The following KCND2 variants were observed in gnomAD, a reference collection of about 807,000 sequenced individuals.
KCND2 encodes potassium voltage-gated channel subfamily D member 2.
Under a neutral mutation model 54.4 loss-of-function variants are expected in KCND2, and 16 were observed. The ratio of observed to expected loss-of-function variants is 0.29; its 90% CI spans 0.20 to 0.45. KCND2 has a LOEUF of 0.45. Among genes scored for constraint, KCND2 ranks in the 20% least tolerant of loss-of-function variants. The pLI is 1.00. For missense variants in KCND2, 486 were observed against 824.2 expected, an observed-to-expected ratio of 0.59 and a Z score of 5.02; for synonymous variants, 317 against 310.7, an observed-to-expected ratio of 1.02 and a Z score of -0.21.
intron 1 of KCND2, among the ~76,000 whole-genome samples, chr7:120,403,334 A>G (rs1485319442): frequency 1.4e-5 from 2 of 146,460 alleles, no homozygotes; most frequent in African/African-American, 5.1e-5. Flanking sequence ...TTTTTCTTTT[A>G]TAGACAGAGT....
At chr7:120,300,157 A>G (rs1189780720) in intron 1 of KCND2, among the ~76,000 whole-genome samples, 1 of 152,162 alleles carries the variant, frequency 6.6e-6, no homozygotes, top group Non-Finnish European at 1.5e-5. Flanking sequence ...CTGGTAAGGG[A>G]CACAATTTTT....
chr7:120,340,796 C>T (rs903135445), intron 1 of KCND2, among the ~76,000 whole-genome samples: 1 of 152,064 alleles, frequency 6.6e-6, no homozygotes. Context: ...TAGCAATGGT[C>T]AACACTCTCT....
intron 1 of KCND2, among the ~76,000 whole-genome samples, chr7:120,366,038 T>C (rs1800673339): frequency 6.6e-6 from 1 of 152,068 alleles, no homozygotes; most frequent in Admixed American, 6.6e-5. Context: ...CAATTGTTAA[T>C]TATAGTAGAG....
intron 1 of KCND2, among the ~76,000 whole-genome samples, chr7:120,406,363 A>T (rs1352724444): frequency 6.6e-6 from 1 of 152,038 alleles, no homozygotes; most frequent in Non-Finnish European, 1.5e-5. Context: ...CACTGCATTA[A>T]TATTCAGTGA....
intron 1 of KCND2, among the ~76,000 whole-genome samples, chr7:120,727,012 T>C (rs1420349507): frequency 6.6e-6 from 1 of 152,224 alleles, no homozygotes; most frequent in East Asian, 1.9e-4. Flanking sequence ...TGACTTTTGT[T>C]TTATCTTTTA....
Position 120,703,821 on chromosome 7 carries a change from T to C in KCND2, c.1116-29082T>C, listed in dbSNP as rs539205313. Among the ~76,000 whole-genome samples the C allele has an allele frequency of 7.9e-5, 12 of 152,314 alleles. No individual in the cohort carries two copies. The East Asian group carries it at 2.1e-3, about 27-fold the overall frequency. ...TAACCAACAAGGGCTGTGACATGGCTGGCACAAAGCCAGATGAAAACCAAA... is the reference window on the plus strand; with the variant it reads ...TAACCAACAAGGGCTGTGACATGGCCGGCACAAAGCCAGATGAAAACCAAA... On this transcript the variant is annotated intron_variant, in intron 1 of 5. Coordinates refer to ENST00000331113, the MANE Select transcript of KCND2 (RefSeq NM_012281.3).
At chr7:120,414,087 C>A (rs1801491322) in intron 1 of KCND2, among the ~76,000 whole-genome samples, 1 of 151,810 alleles carries the variant, frequency 6.6e-6, no homozygotes, top group Non-Finnish European at 1.5e-5. Context: ...CAAATAAAAC[C>A]TTCTACTCAT....
At chr7:120,591,933 G>T (rs898386971) in intron 1 of KCND2, among the ~76,000 whole-genome samples, 1 of 152,150 alleles carries the variant, frequency 6.6e-6, no homozygotes, top group African/African-American at 2.4e-5. Flanking sequence ...ATGTGCAAAT[G>T]GTTTTATAGA....
intron 1 of KCND2, among the ~76,000 whole-genome samples, chr7:120,617,358 A>G (rs1793039433): frequency 6.6e-6 from 1 of 152,228 alleles, no homozygotes; most frequent in Non-Finnish European, 1.5e-5. Context: ...TCAAAAGAAG[A>G]CATACACACA....
chr7:120,451,790 C>T (rs1038449430), intron 1 of KCND2, among the ~76,000 whole-genome samples: 5 of 152,178 alleles, frequency 3.3e-5, no homozygotes, highest in East Asian at 1.9e-4. Context: ...TGTTGTAACT[C>T]GTGTGTTCTC....
intron 1 of KCND2, among the ~76,000 whole-genome samples, chr7:120,702,198 A>G (rs1409009291): frequency 7.2e-5 from 11 of 152,212 alleles, no homozygotes; most frequent in Non-Finnish European, 1.5e-5. Context: ...AAAACTCAAC[A>G]TCAGTGATCA....
At chr7:120,682,775 T>C (rs1792155713) in intron 1 of KCND2, among the ~76,000 whole-genome samples, 1 of 152,172 alleles carries the variant, frequency 6.6e-6, no homozygotes, top group South Asian at 2.1e-4. Flanking sequence ...AAGAAACAGT[T>C]GTTTGTTGTC....
chr7:120,408,582 G>A (rs1179751545), intron 1 of KCND2, among the ~76,000 whole-genome samples: 1 of 151,880 alleles, frequency 6.6e-6, no homozygotes, highest in Non-Finnish European at 1.5e-5. Context: ...TGCAAATGGT[G>A]TTTTGGAAGT....
At chr7:120,661,262 T>TA (rs1791862054) in intron 1 of KCND2, among the ~76,000 whole-genome samples, 1 of 152,132 alleles carries the variant, frequency 6.6e-6, no homozygotes, top group Non-Finnish European at 1.5e-5. Flanking sequence ...GTTATTTTTT[T>TA]AAAATAATAA....
chr7:120,519,205 G>A (rs771413688), intron 1 of KCND2, among the ~76,000 whole-genome samples: 8 of 152,010 alleles, frequency 5.3e-5, no homozygotes, highest in Non-Finnish European at 1.2e-4. Context: ...AGCCAGGCCT[G>A]GTGGTGGATA....
chr7:120,413,613 T>A (rs1801481920), intron 1 of KCND2, among the ~76,000 whole-genome samples: 1 of 152,048 alleles, frequency 6.6e-6, no homozygotes, highest in African/African-American at 2.4e-5. Context: ...TTATTATAGC[T>A]TAGTAACAAA....
In KCND2 at chr7:120,273,308, C is replaced by A. The variant is rs1272543312; in HGVS notation, c.-1325C>A. Among the ~76,000 whole-genome samples the A allele has an allele frequency of 2.0e-5, 3 of 151,044 alleles. No individual in the cohort carries two copies. The highest frequency in any genetic ancestry group is 6.6e-5 in the Admixed American group (1 of 15,176). On this transcript the variant is annotated 5_prime_UTR_variant, in exon 1 of 6. Transcript: ENST00000331113. ...ACTGGCGGGGAAGCAGCTAGCAGCCCTCCCGCGCCCCCGCGCTGCCGAGCG... is the reference window on the plus strand; with the variant it reads ...ACTGGCGGGGAAGCAGCTAGCAGCCATCCCGCGCCCCCGCGCTGCCGAGCG...
At chr7:120,314,260 G>T (rs1374757921) in intron 1 of KCND2, among the ~76,000 whole-genome samples, 1 of 151,638 alleles carries the variant, frequency 6.6e-6, no homozygotes, top group African/African-American at 2.4e-5. Context: ...TTGAACCCGG[G>T]AGGTGGAGCT....
chr7:120,453,990 A>G (rs1295182848), intron 1 of KCND2, among the ~76,000 whole-genome samples: 1 of 152,214 alleles, frequency 6.6e-6, no homozygotes, highest in Admixed American at 6.5e-5. Flanking sequence ...AGGCTGAGGC[A>G]GGAGAATGGC....
Sources: allele counts gnomAD v4.1 joint callset (sites outside exome capture counted in the v4.1 genomes callset), GRCh38; gene constraint gnomAD v4.1.1; transcripts MANE v1.5; gene names NCBI Gene and HGNC (gene_info 2026-07-23, HGNC 2026-07-21).